The following SPATA6L variants were observed in gnomAD, a reference collection of about 807,000 sequenced individuals.
SPATA6L encodes spermatogenesis associated 6 like.
SPATA6L carries 68 observed loss-of-function variants against 49.2 expected under a neutral mutation model. That is an observed-to-expected ratio of 1.38 (90% CI 1.14 to 1.69). SPATA6L has a LOEUF of 1.69. SPATA6L is among the 40% of genes most tolerant of loss of function. SPATA6L has a pLI of 0.00. For synonymous variants in SPATA6L, 198 were observed against 165.7 expected (o/e 1.19, Z -1.50); for missense variants, 668 against 464.3 (o/e 1.44, Z -4.03).
chr9:4,660,351 C>T (rs1288580024), intron 2 of SPATA6L, among the ~76,000 whole-genome samples: 2 of 152,022 alleles, frequency 1.3e-5, no homozygotes, highest in African/African-American at 4.8e-5. Flanking sequence ...ATCAAAAAAC[C>T]CCATCAAAAA....
At chr9:4,616,213 G>C (rs1240330141) in intron 9 of SPATA6L, among the ~76,000 whole-genome samples, 1 of 152,082 alleles carries the variant, frequency 6.6e-6, no homozygotes, top group Non-Finnish European at 1.5e-5. Context: ...GGAGGTCAAG[G>C]CTGCAGTAAG....
chr9:4,635,618 A>C (rs1430100950), intron 3 of SPATA6L, among the ~76,000 whole-genome samples: 2 of 152,208 alleles, frequency 1.3e-5, no homozygotes, highest in Non-Finnish European at 2.9e-5. Flanking sequence ...AAAAAGACTA[A>C]AGAGATGTTC....
At chr9:4,617,187 G>A (rs1271632172) in intron 9 of SPATA6L, among the ~76,000 whole-genome samples, 1 of 152,162 alleles carries the variant, frequency 6.6e-6, no homozygotes, top group Admixed American at 6.5e-5. Flanking sequence ...GGTACGTGGA[G>A]TTTGCTTCTT....
intron 4 of SPATA6L, among the ~76,000 whole-genome samples, chr9:4,629,925 G>A (rs1165294828): frequency 1.3e-5 from 2 of 151,780 alleles, no homozygotes; most frequent in Non-Finnish European, 2.9e-5. Context: ...CTTAATGGGT[G>A]AACAGATGAA....
At chr9:4,597,223 C>T (rs746434395), downstream of SPATA6L, among the ~76,000 whole-genome samples, 37 of 151,630 alleles carry the variant, frequency 2.4e-4, no homozygotes, top group Non-Finnish European at 3.4e-4. Context: ...GAGGCCGAGG[C>T]GGCAGATCAC....
downstream of SPATA6L, among the ~76,000 whole-genome samples, chr9:4,594,306 T>C (rs1822096689): frequency 2.0e-5 from 3 of 152,142 alleles, no homozygotes; most frequent in Non-Finnish European, 4.4e-5. Context: ...GCCTCCCGGG[T>C]TCATGCCATT....
chr9:4,648,656 C>A (rs989245719), intron 3 of SPATA6L, among the ~76,000 whole-genome samples: 1 of 149,862 alleles, frequency 6.7e-6, no homozygotes, highest in Non-Finnish European at 1.5e-5. Context: ...GCCGAGATTG[C>A]GCCACTGCAC....
chr9:4,635,189 A>G (rs1832537158), intron 4 of SPATA6L, 86 bp downstream of exon 4: 3 of 1,391,618 alleles, frequency 2.2e-6, no homozygotes, highest in East Asian at 2.8e-5. Context: ...TAACCAAGAT[A>G]AAGATCAAAC....
chr9:4,635,982 C>T (rs560437134), intron 3 of SPATA6L, among the ~76,000 whole-genome samples: 28 of 152,328 alleles, frequency 1.8e-4, no homozygotes, highest in Non-Finnish European at 3.7e-4. Flanking sequence ...CCCCCATCCC[C>T]AGTGACTTTC....
At chr9:4,644,182 GCAAA>G (rs1834721210) in intron 3 of SPATA6L, among the ~76,000 whole-genome samples, 2 of 49,394 alleles carry the variant, frequency 4.0e-5, no homozygotes, top group Non-Finnish European at 6.7e-5. Flanking sequence ...TGCCATCTCT[GCAAA>G]AAAAAAAAAA....
downstream of SPATA6L, among the ~76,000 whole-genome samples, chr9:4,595,413 A>G (rs1822181743): frequency 6.6e-6 from 1 of 152,150 alleles, no homozygotes; most frequent in Admixed American, 6.5e-5. Flanking sequence ...CCCCACCGCC[A>G]GCCTCTACCT....
At chr9:4,639,415 A>T (rs1027511703) in intron 3 of SPATA6L, among the ~76,000 whole-genome samples, 7 of 152,214 alleles carry the variant, frequency 4.6e-5, no homozygotes, top group Admixed American at 1.3e-4. Context: ...GAAAATTGAA[A>T]GGGAGCTCAT....
chr9:4,605,471 T>G (rs1482662556), intron 9 of SPATA6L, 31 bp from the exon 10 acceptor site: 1 of 1,514,432 alleles, frequency 6.6e-7, no homozygotes, highest in Non-Finnish European at 9.2e-7. Context: ...GGTGGAATAT[T>G]AAGCAGCTAC....
intron 9 of SPATA6L, chr9:4,617,340 C>T (rs1377658357): frequency 6.6e-6 from 1 of 152,144 alleles, no homozygotes; most frequent in Non-Finnish European, 1.5e-5. Flanking sequence ...TCAAGGGTTT[C>T]CCAGAATGCA....
Position 4,662,358 on chromosome 9 carries a change from T to G in SPATA6L, c.40-322A>C. ...TGTTTGGTCCGGCCAGGTCCCGGGA[T>G]CCGGGCCGCCAGCTGCGATGCCAAG... On this transcript the variant is annotated intron_variant, in intron 1 of 11. Coordinates refer to ENST00000682582, the MANE Select transcript of SPATA6L (RefSeq NM_001353486.2). This position sits in a 1 kb window ranked among gnomAD's most constrained non-coding sequence, Gnocchi z 4.9. 1.3e-6 allele frequency: 2 copies of G among 1,488,880 alleles called. No individual in the cohort carries two copies. Among genetic ancestry groups the G allele is most frequent in the Non-Finnish European group, 1.8e-6 (2 of 1,126,912 alleles). 92.2% of individuals were successfully genotyped at this position (1,488,880 alleles called of 1,614,324 possible).
At chr9:4,611,629 C>T (rs1414794007) in intron 9 of SPATA6L, among the ~76,000 whole-genome samples, 1 of 123,514 alleles carries the variant, frequency 8.1e-6, no homozygotes, top group Admixed American at 1.1e-4. Flanking sequence ...AGGGGAACAT[C>T]ACACTCTGGG....
At chr9:4,607,297 C>A (rs1323542613) in intron 9 of SPATA6L, among the ~76,000 whole-genome samples, 1 of 152,038 alleles carries the variant, frequency 6.6e-6, no homozygotes, top group Non-Finnish European at 1.5e-5. Context: ...CAGAGAATGC[C>A]ACAAAGATAC....
At chr9:4,658,424 A>T (rs908241278) in intron 2 of SPATA6L, among the ~76,000 whole-genome samples, 1 of 152,246 alleles carries the variant, frequency 6.6e-6, no homozygotes, top group Non-Finnish European at 1.5e-5. Context: ...GGAAACAGAT[A>T]CAAGGAAGCT....
At chr9:4,641,954 G>C (rs1225251715) in intron 3 of SPATA6L, among the ~76,000 whole-genome samples, 3 of 152,100 alleles carry the variant, frequency 2.0e-5, no homozygotes, top group Admixed American at 6.5e-5. Flanking sequence ...TTTCAGTAGA[G>C]ATGAGGTTTC....
Sources: gnomAD v4.1 joint callset for allele counts (sites outside exome capture counted in the v4.1 genomes callset) on GRCh38, gnomAD v4.1.1 for gene constraint, Gnocchi (gnomAD v3.1) non-coding constraint, MANE v1.5 for transcripts, NCBI Gene and HGNC (gene_info 2026-07-23, HGNC 2026-07-21) for gene names.